GALNTL6: variants seen among roughly 807,000 people sequenced by gnomAD.
The protein encoded by GALNTL6 is polypeptide N-acetylgalactosaminyltransferase-like 6.
GALNTL6 carries 46 observed loss-of-function variants against 73.7 expected under a neutral mutation model. The ratio of observed to expected loss-of-function variants is 0.62; its 90% CI spans 0.49 to 0.80. The LOEUF is 0.80. Among genes scored for constraint, GALNTL6 ranks in the 30% least tolerant of loss-of-function variants. The pLI is 0.00. For missense variants in GALNTL6, 604 were observed against 755.0 expected, an observed-to-expected ratio of 0.80 and a Z score of 2.34; for synonymous variants, 259 against 263.7, an observed-to-expected ratio of 0.98 and a Z score of 0.17.
At chr4:172,906,640 A>G (rs1746909516) in intron 8 of GALNTL6, among the ~76,000 whole-genome samples, 2 of 152,150 alleles carry the variant, frequency 1.3e-5, no homozygotes, top group Non-Finnish European at 2.9e-5. Flanking sequence ...GGCAGAATCC[A>G]TTTCTTCATG....
intron 5 of GALNTL6, among the ~76,000 whole-genome samples, chr4:172,427,382 A>G (rs1175316338): frequency 6.6e-6 from 1 of 152,088 alleles, no homozygotes; most frequent in African/African-American, 2.4e-5. Context: ...CTCTATTACG[A>G]GAACAGCATG....
intron 7 of GALNTL6, among the ~76,000 whole-genome samples, chr4:172,826,758 G>C (rs774466183): frequency 7.2e-5 from 11 of 152,212 alleles, no homozygotes; most frequent in Non-Finnish European, 1.6e-4. Flanking sequence ...GGACAGCAGT[G>C]AGCCCCTGAT....
chr4:172,817,071 G>GTACT (rs1429603907), intron 7 of GALNTL6, among the ~76,000 whole-genome samples: 2 of 146,612 alleles, frequency 1.4e-5, no homozygotes, highest in East Asian at 4.0e-4. Flanking sequence ...TTGCACCACT[G>GTACT]TACTTCAGCC....
intron 5 of GALNTL6, among the ~76,000 whole-genome samples, chr4:172,528,321 T>A (rs1166355301): frequency 5.1e-3 from 36 of 7,022 alleles, no homozygotes; most frequent in African/African-American, 9.3e-3. Flanking sequence ...AGAAATAAAA[T>A]ATATATATAT....
chr4:173,033,206 T>G (rs1753542910), intron 12 of GALNTL6, among the ~76,000 whole-genome samples: 1 of 151,910 alleles, frequency 6.6e-6, no homozygotes, highest in Non-Finnish European at 1.5e-5. Context: ...TTCACTATGT[T>G]GGCCAGTCTG....
At chr4:172,975,794 C>T (rs1219125232) in intron 10 of GALNTL6, among the ~76,000 whole-genome samples, 1 of 152,176 alleles carries the variant, frequency 6.6e-6, no homozygotes, top group Admixed American at 6.5e-5. Flanking sequence ...ACACACCCAG[C>T]CAGGTCACAG....
chr4:171,881,390 G>A (rs904392736), intron 2 of GALNTL6, among the ~76,000 whole-genome samples: 5 of 152,162 alleles, frequency 3.3e-5, no homozygotes, highest in African/African-American at 4.8e-5. Flanking sequence ...GGTGTTAGAA[G>A]TGGGGCCCAG....
chr4:171,977,604 T>C (rs950808844), intron 2 of GALNTL6, among the ~76,000 whole-genome samples: 2 of 152,110 alleles, frequency 1.3e-5, no homozygotes, highest in Non-Finnish European at 2.9e-5. Flanking sequence ...CATTTTAACT[T>C]TAAAGAGCCT....
chr4:172,330,787 TG>T (rs1487511446), intron 4 of GALNTL6, among the ~76,000 whole-genome samples: 1 of 152,208 alleles, frequency 6.6e-6, no homozygotes, highest in African/African-American at 2.4e-5. Flanking sequence ...CCCTTCTCTT[TG>T]GGGCACTTTA....
At chr4:172,583,494 A>G (rs1737274816) in intron 5 of GALNTL6, among the ~76,000 whole-genome samples, 1 of 152,248 alleles carries the variant, frequency 6.6e-6, no homozygotes, top group Admixed American at 6.5e-5. Context: ...AAATTTTAAT[A>G]TCTAAAGTTA....
chr4:171,884,069 C>T (rs1182091644), intron 2 of GALNTL6, among the ~76,000 whole-genome samples: 1 of 152,144 alleles, frequency 6.6e-6, no homozygotes, highest in Non-Finnish European at 1.5e-5. Flanking sequence ...ATTTTACAAA[C>T]TATTTTCTCT....
intron 2 of GALNTL6, among the ~76,000 whole-genome samples, chr4:171,979,585 A>G (rs1434245139): frequency 6.6e-6 from 1 of 152,212 alleles, no homozygotes; most frequent in Non-Finnish European, 1.5e-5. Flanking sequence ...GATCCATTCC[A>G]GGTTTACTGC....
chr4:172,654,407 A>C (rs144467233), intron 5 of GALNTL6, among the ~76,000 whole-genome samples: 1 of 152,214 alleles, frequency 6.6e-6, no homozygotes, highest in Non-Finnish European at 1.5e-5. Flanking sequence ...ACTTTAGTTC[A>C]CTAATCCTTT....
chr4:172,198,288 AAAT>A (rs1735841961), intron 2 of GALNTL6, among the ~76,000 whole-genome samples: 1 of 152,056 alleles, frequency 6.6e-6, no homozygotes, highest in Non-Finnish European at 1.5e-5. Flanking sequence ...TCAAAAAAAA[AAAT>A]AAAACAAAAA....
chr4:172,491,605 G>GA (rs1303696202), intron 5 of GALNTL6, among the ~76,000 whole-genome samples: 2 of 152,046 alleles, frequency 1.3e-5, no homozygotes, highest in African/African-American at 4.8e-5. Context: ...TTGCTCTCTA[G>GA]ACAAAACTCA....
At chr4:172,142,516 T>C (rs1036741861) in intron 2 of GALNTL6, among the ~76,000 whole-genome samples, 2 of 152,054 alleles carry the variant, frequency 1.3e-5, no homozygotes, top group South Asian at 2.1e-4. Flanking sequence ...CACTGGCCCA[T>C]TGAACATAAA....
intron 5 of GALNTL6, among the ~76,000 whole-genome samples, chr4:172,765,057 T>C (rs1053406018): frequency 6.6e-6 from 1 of 152,208 alleles, no homozygotes; most frequent in African/African-American, 2.4e-5. Flanking sequence ...TTAATTATCC[T>C]CCTGGTTCCC....
At chr4:172,049,366 AT>A (rs1372189389) in intron 2 of GALNTL6, among the ~76,000 whole-genome samples, 8 of 152,088 alleles carry the variant, frequency 5.3e-5, no homozygotes, top group Non-Finnish European at 1.0e-4. Context: ...GCTTTTGCCC[AT>A]TTCTTATCTT....
At chr4:172,619,779 C>T (rs1367626398) in intron 5 of GALNTL6, among the ~76,000 whole-genome samples, 1 of 152,118 alleles carries the variant, frequency 6.6e-6, no homozygotes, top group Non-Finnish European at 1.5e-5. Flanking sequence ...ATAACAATAT[C>T]CCGGAGTGTG....
Sources: gnomAD v4.1 joint callset for allele counts (sites outside exome capture counted in the v4.1 genomes callset) on GRCh38, gnomAD v4.1.1 for gene constraint, MANE v1.5 for transcripts, NCBI Gene and HGNC (gene_info 2026-07-23, HGNC 2026-07-21) for gene names.